The following VAC14 variants were observed in gnomAD, a reference collection of about 807,000 sequenced individuals.
VAC14 encodes the protein VAC14 component of PIKFYVE complex, also known as protein VAC14 homolog.
Under a neutral mutation model 85.3 loss-of-function variants are expected in VAC14, and 47 were observed. The observed-to-expected ratio is 0.55, with a 90% CI of 0.44 to 0.70. The LOEUF (loss-of-function observed/expected upper bound fraction) is 0.70. Among genes scored for constraint, VAC14 ranks in the 30% least tolerant of loss-of-function variants. The pLI, the probability that VAC14 is intolerant of heterozygous loss-of-function variation, is 0.00. For synonymous variants in VAC14, 447 were observed against 430.5 expected (o/e 1.04, Z -0.47); for missense variants, 861 against 1,004.3 (o/e 0.86, Z 1.93).
intron 12 of VAC14, among the ~76,000 whole-genome samples, chr16:70,754,560 G>T (rs1041167222): frequency 2.0e-5 from 3 of 152,192 alleles, no homozygotes; most frequent in African/African-American, 7.2e-5. Flanking sequence ...TGCAGGGACA[G>T]CCGCGGGGAG....
chr16:70,690,095 G>A (rs1381485119), intron 18 of VAC14: 1 of 985,494 alleles, frequency 1.0e-6, no homozygotes, highest in African/African-American at 1.7e-5. Context: ...CTCAGCACTG[G>A]ATGGCAAACC....
chr16:70,779,615 C>A (rs1221540737), intron 9 of VAC14, among the ~76,000 whole-genome samples: 2 of 151,970 alleles, frequency 1.3e-5, no homozygotes, highest in East Asian at 3.9e-4. Flanking sequence ...CAGATGTTTG[C>A]TAAATGTTAG....
intron 8 of VAC14, 91 bp downstream of exon 8, chr16:70,781,778 A>G: frequency 1.3e-6 from 2 of 1,524,544 alleles, no homozygotes; most frequent in South Asian, 2.5e-5. Context: ...GATGGATCCT[A>G]AGAGAGCCCC....
chr16:70,786,907 G>T (rs184800039), intron 1 of VAC14, among the ~76,000 whole-genome samples: 1 of 152,226 alleles, frequency 6.6e-6, no homozygotes, highest in Non-Finnish European at 1.5e-5. Flanking sequence ...GGGCTACAGG[G>T]AGGTGCCGGC....
At chr16:70,764,739 G>C (rs2032670676) in intron 10 of VAC14, among the ~76,000 whole-genome samples, 1 of 152,186 alleles carries the variant, frequency 6.6e-6, no homozygotes, top group South Asian at 2.1e-4. Flanking sequence ...TTTGGGACCT[G>C]GTGTGCATTT....
At chr16:70,765,974 A>G (rs1460113733) in intron 10 of VAC14, among the ~76,000 whole-genome samples, 1 of 152,046 alleles carries the variant, frequency 6.6e-6, no homozygotes, top group Non-Finnish European at 1.5e-5. Context: ...TCTGTGAAAA[A>G]TTTAAAAAAT....
Position 70,775,788 on chromosome 16 carries a change from T to C in VAC14, c.1097-3616A>G, listed in dbSNP as rs1416100326. Among the ~76,000 whole-genome samples the C allele has an allele frequency of 2.0e-4, 30 of 151,236 alleles. 1 individual carries two copies. The highest frequency in any genetic ancestry group is 2.0e-3 in the Admixed American group (30 of 15,278). On this transcript the variant is annotated intron_variant, in intron 9 of 18. Transcript: ENST00000261776. The stretch of plus-strand genomic sequence containing the variant: ...ACCCACATTTATAGATGAAATAATG[T>C]GGCATCAGAAATTGGCCTCAAATTA...
intron 12 of VAC14, among the ~76,000 whole-genome samples, chr16:70,761,506 C>A (rs1420980637): frequency 1.3e-5 from 2 of 152,226 alleles, no homozygotes; most frequent in African/African-American, 2.4e-5. Context: ...GCACGCGCAG[C>A]TGCAAACCCT....
At chr16:70,725,201 A>T (rs1266234923) in intron 14 of VAC14, among the ~76,000 whole-genome samples, 2 of 152,138 alleles carry the variant, frequency 1.3e-5, no homozygotes, top group Non-Finnish European at 2.9e-5. Flanking sequence ...CCGCACAAAG[A>T]CTCACAGAGT....
At chr16:70,791,143 C>T (rs952106585) in intron 1 of VAC14, among the ~76,000 whole-genome samples, 2 of 152,192 alleles carry the variant, frequency 1.3e-5, no homozygotes, top group African/African-American at 2.4e-5. Context: ...CTTCTTACTG[C>T]GCCCTGCCTG....
intron 12 of VAC14, among the ~76,000 whole-genome samples, chr16:70,746,135 C>T (rs2030870164): frequency 6.6e-6 from 1 of 152,216 alleles, no homozygotes; most frequent in Non-Finnish European, 1.5e-5. Context: ...CAGTGCCTCC[C>T]CCACACTGCC....
At chr16:70,752,066 C>A (rs16970484) in intron 12 of VAC14, among the ~76,000 whole-genome samples, 5 of 152,112 alleles carry the variant, frequency 3.3e-5, no homozygotes, top group Admixed American at 3.3e-4. Context: ...TCTTAGTAAA[C>A]CAAAAGCAAC....
intron 12 of VAC14, among the ~76,000 whole-genome samples, chr16:70,745,696 C>T (rs527869316): frequency 1.3e-5 from 2 of 152,328 alleles, no homozygotes; most frequent in Admixed American, 6.5e-5. Context: ...ATGCCTGTCC[C>T]CCCAAAAGGT....
Position 70,762,859 on chromosome 16 carries a change from C to T in VAC14, c.1305+22G>A. On this transcript the variant is annotated intron_variant, in intron 11 of 18. Coordinates refer to ENST00000261776, the MANE Select transcript of VAC14 (RefSeq NM_018052.5). The surrounding 1 kb of genome is among the most constrained non-coding windows in gnomAD (Gnocchi z 4.1). ...AGGCGGACCCAGAAGAGGCCCCTGGCTTGGAGGGGCCCAGGGCTCACCTTC... is the reference window on the plus strand; with the variant it reads ...AGGCGGACCCAGAAGAGGCCCCTGGTTTGGAGGGGCCCAGGGCTCACCTTC... 3.1e-6 allele frequency: 5 copies of T among 1,614,068 alleles called. No homozygotes were observed. Among genetic ancestry groups the T allele is most frequent in the South Asian group, 2.2e-5 (2 of 91,056 alleles).
intron 12 of VAC14, among the ~76,000 whole-genome samples, chr16:70,760,001 C>A (rs971842247): frequency 6.6e-6 from 1 of 152,210 alleles, no homozygotes; most frequent in Non-Finnish European, 1.5e-5. Context: ...AGAGAACCGT[C>A]GTGAGGGTTC....
rs1228516719 is a variant in VAC14, at chr16:70,762,925, C to A, written c.1261G>T (p.Val421Phe). 1.9e-6 allele frequency: 3 copies of A among 1,614,134 alleles called. No individual in the cohort carries two copies. Among genetic ancestry groups the A allele is most frequent in the Non-Finnish European group, 1.7e-6 (2 of 1,180,064 alleles). ...TAGAGGTGGTAGAGCCACTTGAGAA[C>A]TGCAATCCTGGTCATCATCCCAATG... is the stretch of plus-strand genomic sequence containing the variant. ...TAIGMMTRIA[V>F]LKWLYHLYIK... Residue 421 changes from valine (V) to phenylalanine (F), a missense_variant, in exon 11 of 19, where the codon GTT becomes TTT. Coordinates refer to ENST00000261776, the MANE Select transcript of VAC14 (RefSeq NM_018052.5). This position sits in a 1 kb window ranked among gnomAD's most constrained non-coding sequence, Gnocchi z 4.1.
chr16:70,738,225 T>A (rs1007861640), intron 13 of VAC14, among the ~76,000 whole-genome samples: 12 of 151,642 alleles, frequency 7.9e-5, no homozygotes, highest in African/African-American at 2.7e-4. Flanking sequence ...AGCAGGGTCT[T>A]GGGGGTGTAG....
rs1048120777 is a variant in VAC14, at chr16:70,691,913, G to A, written c.2186+908C>T. 1.1e-5 allele frequency: 11 copies of A among 985,228 alleles called. No individual in the cohort carries two copies. The South Asian group carries it at 1.4e-4, about 13-fold the overall frequency. The allele number at this position is 985,228 out of a possible 1,614,324, so 61.0% of individuals were successfully genotyped here. A position where few individuals can be genotyped will look rare whatever the true frequency, so the allele number is the denominator to read the frequency against. On this transcript the variant is annotated intron_variant, in intron 18 of 18. Transcript: ENST00000261776. ...AGGCGAGCACCCGAGGCCCTTTGCTGGAGCAAGGCGCCAGGCCTGCTGAGT... is the reference window on the plus strand; with the variant it reads ...AGGCGAGCACCCGAGGCCCTTTGCTAGAGCAAGGCGCCAGGCCTGCTGAGT...
intron 10 of VAC14, 36 bp from the exon 11 acceptor site, chr16:70,763,061 GCCCA>G: frequency 6.2e-7 from 1 of 1,612,888 alleles, no homozygotes; most frequent in African/African-American, 1.3e-5. Context: ...CAGAGGTGAA[GCCCA>G]CCATAGCCCT....
Sources: gnomAD v4.1 joint callset for allele counts (sites outside exome capture counted in the v4.1 genomes callset) on GRCh38, gnomAD v4.1.1 for gene constraint, Gnocchi (gnomAD v3.1) non-coding constraint, MANE v1.5 for transcripts, NCBI Gene and HGNC (gene_info 2026-07-23, HGNC 2026-07-21) for gene names.